EFCAB5: variants seen among roughly 807,000 people sequenced by gnomAD.
EFCAB5 encodes the protein EF-hand calcium-binding domain-containing protein 5.
A neutral mutation model predicts 167.9 loss-of-function variants in EFCAB5; 131 were observed. That is an observed-to-expected ratio of 0.78 (90% CI 0.68 to 0.90). The LOEUF is 0.90. EFCAB5 is among the 40% of genes least tolerant of loss of function. The pLI is 0.00. For synonymous variants in EFCAB5, 574 were observed against 602.8 expected, an observed-to-expected ratio of 0.95 and a Z score of 0.70; for missense variants, 1,663 against 1,745.2, an observed-to-expected ratio of 0.95 and a Z score of 0.84.
At chr17:30,040,959 A>G (rs764360193) in intron 8 of EFCAB5, among the ~76,000 whole-genome samples, 6 of 152,074 alleles carry the variant, frequency 3.9e-5, no homozygotes, top group Non-Finnish European at 8.8e-5. Context: ...GCACTTACCT[A>G]TTTAGGGAAG....
intron 14 of EFCAB5, among the ~76,000 whole-genome samples, chr17:30,076,002 C>T (rs530832494): frequency 6.6e-6 from 1 of 152,196 alleles, no homozygotes; most frequent in African/African-American, 2.4e-5. Context: ...AGAACACAAC[C>T]CAAAGTGGTT....
intron 4 of EFCAB5, among the ~76,000 whole-genome samples, chr17:29,974,512 A>G (rs1026430581): frequency 1.3e-5 from 2 of 151,928 alleles, no homozygotes; most frequent in East Asian, 1.9e-4. Flanking sequence ...ACTGCACTCT[A>G]TCTTGGGTGA....
intron 4 of EFCAB5, among the ~76,000 whole-genome samples, chr17:29,983,530 G>T (rs2068220196): frequency 2.6e-5 from 4 of 152,176 alleles, no homozygotes; most frequent in Admixed American, 1.3e-4. Flanking sequence ...GGAATGGGAA[G>T]AATTTATGAC....
rs778991835 is a variant in EFCAB5, at chr17:30,087,196, C to A, written c.3683+30C>A. Reference sequence around the variant, plus strand: ...GAGACATGTCTGTTTTGTTTGACTGCTAGAACACATCCTTCTGGTACAATA... The same window carrying A: ...GAGACATGTCTGTTTTGTTTGACTGATAGAACACATCCTTCTGGTACAATA... On this transcript the variant is annotated intron_variant, in intron 19 of 22. Transcript: ENST00000394835. 1.9e-6 allele frequency: 3 copies of A among 1,576,350 alleles called. No individual in the cohort carries two copies. In the East Asian group the frequency reaches 6.7e-5, roughly 35 times the overall value.
chr17:30,106,851 G>A (rs573220335), intron 22 of EFCAB5, among the ~76,000 whole-genome samples: 56 of 152,300 alleles, frequency 3.7e-4, no homozygotes, highest in African/African-American at 1.3e-3. Flanking sequence ...TGAAGTGGGA[G>A]GATCACCTGA....
chr17:29,939,621 T>C (rs1184081640), upstream of EFCAB5, among the ~76,000 whole-genome samples: 1 of 152,248 alleles, frequency 6.6e-6, no homozygotes, highest in Non-Finnish European at 1.5e-5. Flanking sequence ...ACATCAGCAC[T>C]TGCAGCTTCA....
intron 22 of EFCAB5, among the ~76,000 whole-genome samples, chr17:30,102,259 G>A (rs967992808): frequency 6.6e-6 from 1 of 152,220 alleles, no homozygotes; most frequent in Non-Finnish European, 1.5e-5. Flanking sequence ...CAGCCAGAGT[G>A]AAGATGGGAG....
At chr17:30,097,182 G>A (rs982425966) in intron 22 of EFCAB5, among the ~76,000 whole-genome samples, 2 of 150,554 alleles carry the variant, frequency 1.3e-5, no homozygotes, top group Admixed American at 6.6e-5. Context: ...TCAGCCTCCC[G>A]AGTAGCTGGG....
chr17:30,073,096 G>A (rs535815993), intron 14 of EFCAB5: 11 of 667,788 alleles, frequency 1.6e-5, no homozygotes, highest in South Asian at 4.8e-5. Flanking sequence ...TCACTCTGTC[G>A]CCAGGCTGGA....
At chr17:30,054,514 G>A (rs1373154744) in intron 10 of EFCAB5, among the ~76,000 whole-genome samples, 1 of 152,112 alleles carries the variant, frequency 6.6e-6, no homozygotes, top group Non-Finnish European at 1.5e-5. Flanking sequence ...CTGTAAATGG[G>A]TCTCGCTTTT....
chr17:29,964,171 A>G (rs971355373), intron 3 of EFCAB5, among the ~76,000 whole-genome samples: 2 of 152,120 alleles, frequency 1.3e-5, no homozygotes, highest in African/African-American at 2.4e-5. Context: ...TAAACTAACT[A>G]ACACAAGATC....
chr17:30,107,761 A>G (rs1019898409), intron 22 of EFCAB5, 73 bp from the exon 23 acceptor site: 1 of 1,267,368 alleles, frequency 7.9e-7, no homozygotes, highest in Non-Finnish European at 1.0e-6. Context: ...TAATCATAAT[A>G]TTAGAACTTA....
At chr17:30,056,007 CA>C in intron 11 of EFCAB5, 42 bp downstream of exon 11, 1 of 1,612,974 alleles carries the variant, frequency 6.2e-7, no homozygotes, top group East Asian at 2.2e-5. Flanking sequence ...TACCCTAGAA[CA>C]AAAATATTGT....
At position 29,993,222 on chromosome 17, in the gene EFCAB5, C is replaced by CA; in HGVS notation, c.829dup (p.Ile277AsnfsTer19). ...ATAGAAAACAAAGAGAAAGCATAGA[C>CA]AAAATCATAGTCAAGGTGGCCAACA... On this transcript the variant is annotated frameshift_variant, in exon 5 of 23. Transcript: ENST00000394835. LOFTEE classifies it high-confidence loss of function. The CA allele has an allele frequency of 6.2e-7, 1 of 1,613,508 alleles. No homozygotes were observed. Among genetic ancestry groups the CA allele is most frequent in the South Asian group, 1.1e-5 (1 of 90,980 alleles).
chr17:30,025,817 C>T (rs1014636747), intron 7 of EFCAB5, among the ~76,000 whole-genome samples: 3 of 152,106 alleles, frequency 2.0e-5, no homozygotes, highest in Non-Finnish European at 4.4e-5. Context: ...GGCACATATA[C>T]ACCATGGAAT....
At chr17:29,937,048 G>C (rs888533142), upstream of EFCAB5, among the ~76,000 whole-genome samples, 1 of 152,136 alleles carries the variant, frequency 6.6e-6, no homozygotes, top group Admixed American at 6.5e-5. Flanking sequence ...AAGATACTAC[G>C]TATGGAAGAG....
intron 4 of EFCAB5, among the ~76,000 whole-genome samples, chr17:29,974,759 T>C (rs539900292): frequency 6.6e-6 from 1 of 152,296 alleles, no homozygotes; most frequent in Admixed American, 6.5e-5. Flanking sequence ...TCTGCTGCTG[T>C]AGTGCAAAAG....
At chr17:29,950,379 A>T (rs976130755) in intron 3 of EFCAB5, among the ~76,000 whole-genome samples, 6 of 148,158 alleles carry the variant, frequency 4.0e-5, no homozygotes, top group African/African-American at 1.5e-4. Context: ...TTTCTTTTTT[A>T]AAAAAATACA....
At chr17:29,984,873 C>T (rs1306192976) in intron 4 of EFCAB5, among the ~76,000 whole-genome samples, 2 of 152,138 alleles carry the variant, frequency 1.3e-5, no homozygotes, top group Non-Finnish European at 2.9e-5. Flanking sequence ...ATTTTGAAGG[C>T]CTTATATAGG....
Sources: gnomAD v4.1 joint callset for allele counts (sites outside exome capture counted in the v4.1 genomes callset) on GRCh38, gnomAD v4.1.1 for gene constraint, MANE v1.5 for transcripts, NCBI Gene and HGNC (gene_info 2026-07-23, HGNC 2026-07-21) for gene names.